The following ZNF496 variants were observed in gnomAD, a reference collection of about 807,000 sequenced individuals.
ZNF496 encodes NSD1 (nuclear receptor binding SET-domain containing 1)-interacting zinc finger protein 1.
A neutral mutation model predicts 58.9 loss-of-function variants in ZNF496; 11 were observed. The observed-to-expected ratio is 0.19, with a 90% CI of 0.12 to 0.31. ZNF496 has a LOEUF of 0.31. Ranked by LOEUF, ZNF496 falls within the 10% of genes least tolerant of loss-of-function variation. The pLI is 1.00. For synonymous variants in ZNF496, 338 were observed against 318.2 expected (o/e 1.06, Z -0.66); for missense variants, 660 against 783.0 (o/e 0.84, Z 1.88).
intron 5 of ZNF496, among the ~76,000 whole-genome samples, chr1:247,325,374 CTCCCAGTTTTATT>C (rs1280978857): frequency 6.6e-6 from 1 of 152,090 alleles, no homozygotes; most frequent in Non-Finnish European, 1.5e-5. Context: ...TTACTTTTAC[CTCCCAGTTTTATT>C]AAGCTATAAT....
chr1:247,322,282 CTAAAAA>C (rs1269677037), intron 6 of ZNF496, among the ~76,000 whole-genome samples: 2 of 152,040 alleles, frequency 1.3e-5, no homozygotes, highest in Admixed American at 6.6e-5. Flanking sequence ...GACCCTGTCT[CTAAAAA>C]TAAAAATAAA....
Position 247,300,467 on chromosome 1 carries a change from C to G in ZNF496, c.*52G>C. The G allele has an allele frequency of 6.4e-7, 1 of 1,553,770 alleles. No individual in the cohort carries two copies. Among genetic ancestry groups the G allele is most frequent in the Non-Finnish European group, 8.7e-7 (1 of 1,149,088 alleles). ...CCTGGGTGGGGGCGCTGATCAGTAC[C>G]AAGGTGAGGGGGCAGCACCAGCCAG... On this transcript the variant is annotated 3_prime_UTR_variant, in exon 10 of 10. Coordinates refer to ENST00000682384, the MANE Select transcript of ZNF496 (RefSeq NM_032752.3). This position sits in a 1 kb window ranked among gnomAD's most constrained non-coding sequence, Gnocchi z 5.7.
chr1:247,318,142 A>T (rs1659844964), intron 6 of ZNF496, among the ~76,000 whole-genome samples: 1 of 152,252 alleles, frequency 6.6e-6, no homozygotes, highest in Non-Finnish European at 1.5e-5. Context: ...AGAAAGACTC[A>T]GTCAACTTGA....
chr1:247,322,240 G>C (rs1048784225), intron 6 of ZNF496, among the ~76,000 whole-genome samples: 1 of 152,156 alleles, frequency 6.6e-6, no homozygotes, highest in African/African-American at 2.4e-5. Flanking sequence ...CTACGACTGT[G>C]CCACTGCATT....
At chr1:247,327,151 G>T (rs534514876) in intron 5 of ZNF496, among the ~76,000 whole-genome samples, 2 of 152,042 alleles carry the variant, frequency 1.3e-5, no homozygotes, top group South Asian at 4.1e-4. Context: ...TGCAATCTCC[G>T]CCTCCCAGGT....
intron 6 of ZNF496, among the ~76,000 whole-genome samples, chr1:247,315,166 AC>A (rs759234012): frequency 8.6e-5 from 13 of 151,604 alleles, no homozygotes; most frequent in Admixed American, 2.0e-4. Context: ...TAAAAAAAAA[AC>A]ACCTATGGAA....
intron 9 of ZNF496, among the ~76,000 whole-genome samples, chr1:247,305,794 A>T (rs1284006343): frequency 6.6e-6 from 1 of 152,248 alleles, no homozygotes; most frequent in African/African-American, 2.4e-5. Flanking sequence ...GAAAACATTT[A>T]AGCCAGGCAT....
At position 247,328,856 on chromosome 1, in the gene ZNF496, C is replaced by T. The variant is rs1422054501; in HGVS notation, c.401G>A (p.Cys134Tyr). Residue 134 changes from cysteine (C) to tyrosine (Y), a missense_variant, in exon 5 of 10, where the codon TGT (cysteine) becomes TAT (tyrosine). Coordinates refer to ENST00000682384, the MANE Select transcript of ZNF496 (RefSeq NM_032752.3). ...ATCATCAATCACCACAGGGTCTTCACAGTGCTTGAGCTGCAATCCCAGAGA... is the reference window on the plus strand; with the variant it reads ...ATCATCAATCACCACAGGGTCTTCATAGTGCTTGAGCTGCAATCCCAGAGA... Reference protein sequence around the residue: ...PGRPWQWLKHCEDPVVIDDGD... With the variant: ...PGRPWQWLKHYEDPVVIDDGD... 1 of 1,596,922 alleles carries T rather than the reference C, an allele frequency of 6.3e-7. No homozygotes were observed. The highest frequency in any genetic ancestry group is 8.5e-7 in the Non-Finnish European group (1 of 1,172,020).
At chr1:247,305,622 C>A (rs12404914) in intron 9 of ZNF496, among the ~76,000 whole-genome samples, 36,487 of 152,150 alleles carry the variant, frequency 0.24, 4,566 homozygotes, top group East Asian at 0.41. Flanking sequence ...TTAAGGGGAA[C>A]AGCAGGGGAG....
Position 247,308,133 on chromosome 1 carries a change from G to T in ZNF496, c.1006+342C>A. The stretch of plus-strand genomic sequence containing the variant: ...GGAAAGGCAAGGAGGGTGAGCCTGG[G>T]ATTGGGAGTGAGCTGGAGAATGACC... On this transcript the variant is annotated intron_variant, in intron 9 of 9. Transcript: ENST00000682384. The surrounding 1 kb of genome is among the most constrained non-coding windows in gnomAD (Gnocchi z 4.5). 1.8e-6 allele frequency: 1 copy of T among 540,914 alleles called. No homozygotes were observed. Among genetic ancestry groups the T allele is most frequent in the Non-Finnish European group, 2.4e-6 (1 of 423,598 alleles). 33.5% of individuals were successfully genotyped at this position (540,914 alleles called of 1,614,324 possible). A position where few individuals can be genotyped will look rare whatever the true frequency, so the allele number is the denominator to read the frequency against.
Position 247,308,352 on chromosome 1 carries a change from T to A in ZNF496, c.1006+123A>T. ...CATGCAGCACACCACATATACCACATGTGTATGCACGCACACATGCATTCA... is the reference window on the plus strand; with the variant it reads ...CATGCAGCACACCACATATACCACAAGTGTATGCACGCACACATGCATTCA... On this transcript the variant is annotated intron_variant, in intron 9 of 9. Coordinates refer to ENST00000682384, the MANE Select transcript of ZNF496 (RefSeq NM_032752.3). This position sits in a 1 kb window ranked among gnomAD's most constrained non-coding sequence, Gnocchi z 4.5. The A allele has an allele frequency of 1.1e-6, 1 of 872,468 alleles. No homozygotes were observed. The highest frequency in any genetic ancestry group is 1.9e-6 in the Non-Finnish European group (1 of 529,122). The allele number at this position is 872,468 out of a possible 1,614,324, so 54.0% of individuals were successfully genotyped here.
intron 6 of ZNF496, chr1:247,312,867 T>C (rs1339888576): frequency 6.6e-6 from 1 of 152,230 alleles, no homozygotes; most frequent in Non-Finnish European, 1.5e-5. Context: ...CCACGTTGTA[T>C]TTGTTAGAGT....
chr1:247,303,857 C>A (rs1659322706), intron 9 of ZNF496, among the ~76,000 whole-genome samples: 1 of 152,132 alleles, frequency 6.6e-6, no homozygotes, highest in Non-Finnish European at 1.5e-5. Flanking sequence ...AAGAGTGTGG[C>A]TGGCTCATCA....
At chr1:247,317,743 T>C (rs553636534) in intron 6 of ZNF496, among the ~76,000 whole-genome samples, 2 of 152,330 alleles carry the variant, frequency 1.3e-5, no homozygotes, top group Non-Finnish European at 2.9e-5. Context: ...GCTGGAGCTA[T>C]GTCAAAAACA....
rs1237409358 is a variant in ZNF496 at position 247,300,627 on chromosome 1, G to A, written c.1656C>T (p.Pro552=). Residue 552 remains proline (P), a synonymous_variant, in exon 10 of 10, where the codon CCC becomes CCT. Transcript: ENST00000682384. This position sits in a 1 kb window ranked among gnomAD's most constrained non-coding sequence, Gnocchi z 5.7. ...SHFHLKDKAR[P]FQCRYCVKSF... ...TCTTGACGCAGTACCGGCACTGGAA[G>A]GGCCGGGCTTTGTCCTTCAGGTGAA... is the stretch of plus-strand genomic sequence containing the variant. 3 of 1,614,158 alleles carry A rather than the reference G, an allele frequency of 1.9e-6. No homozygotes were observed. Among genetic ancestry groups the A allele is most frequent in the South Asian group, 1.1e-5 (1 of 91,088 alleles).
intron 6 of ZNF496, among the ~76,000 whole-genome samples, chr1:247,318,449 T>C (rs904659509): frequency 1.3e-5 from 2 of 152,220 alleles, no homozygotes; most frequent in Non-Finnish European, 2.9e-5. Context: ...ATTTAACTTC[T>C]GAAAACTGAA....
At chr1:247,317,592 A>G (rs142578069) in intron 6 of ZNF496, among the ~76,000 whole-genome samples, 21 of 151,160 alleles carry the variant, frequency 1.4e-4, no homozygotes, top group African/African-American at 5.2e-4. Flanking sequence ...CCACCAGTGG[A>G]GACCATGTAG....
chr1:247,311,114 G>C (rs1659585934), intron 6 of ZNF496: 1 of 152,388 alleles, frequency 6.6e-6, no homozygotes, highest in Non-Finnish European at 1.5e-5. Context: ...TCCAAATAGT[G>C]GTGAGGCCGG....
intron 5 of ZNF496, among the ~76,000 whole-genome samples, chr1:247,327,988 C>T (rs1454552525): frequency 1.3e-5 from 2 of 152,176 alleles, no homozygotes; most frequent in Non-Finnish European, 2.9e-5. Flanking sequence ...GGTTGTATCT[C>T]ATTTAATTGT....
Sources: gnomAD v4.1 joint callset for allele counts (sites outside exome capture counted in the v4.1 genomes callset) on GRCh38, gnomAD v4.1.1 for gene constraint, Gnocchi (gnomAD v3.1) non-coding constraint, MANE v1.5 for transcripts, NCBI Gene and HGNC (gene_info 2026-07-23, HGNC 2026-07-21) for gene names.